HTR1F: variants seen among roughly 807,000 people sequenced by gnomAD.
The protein encoded by HTR1F is 5-hydroxytryptamine receptor 1F.
In HTR1F, 17 loss-of-function variants were observed where a neutral mutation model predicts 24.0. The ratio of observed to expected loss-of-function variants is 0.71; its 90% confidence interval spans 0.48 to 1.06. The LOEUF (loss-of-function observed/expected upper bound fraction) is 1.06, where lower values mean the gene tolerates loss of function less well. HTR1F is among the 50% of genes least tolerant of loss of function. The pLI, the probability that HTR1F is intolerant of heterozygous loss-of-function variation, is 0.00. For missense variants in HTR1F, 391 were observed against 427.8 expected, an observed-to-expected ratio of 0.91 and a Z score of 0.76; for synonymous variants, 186 against 156.8, an observed-to-expected ratio of 1.19 and a Z score of -1.39.
At position 87,919,202 on chromosome 3, in the gene HTR1F, T is replaced by C. The variant is rs1703958405; in HGVS notation, c.-42-71506T>C. 3.3e-5 allele frequency among the ~76,000 whole-genome samples: 5 copies of C among 152,200 alleles called. No homozygotes were observed. In the South Asian group the frequency reaches 1.0e-3, roughly 32 times the overall value. ...GAGAATGCAACTGGATCCTCATCTCTCACCTTATATAAAAATCATTCAAGA... is the reference window on the plus strand; with the variant it reads ...GAGAATGCAACTGGATCCTCATCTCCCACCTTATATAAAAATCATTCAAGA... On this transcript the variant is annotated intron_variant, in intron 2 of 2. Coordinates refer to ENST00000319595, the MANE Select transcript of HTR1F (RefSeq NM_001322209.2).
intron 2 of HTR1F, among the ~76,000 whole-genome samples, chr3:87,948,144 C>T (rs987070109): frequency 1.3e-5 from 2 of 152,060 alleles, no homozygotes; most frequent in African/African-American, 4.8e-5. Context: ...AAGTATTTAG[C>T]CTTCAATTTT....
At chr3:87,895,076 GTATC>G (rs1706169864) in intron 2 of HTR1F, among the ~76,000 whole-genome samples, 1 of 152,116 alleles carries the variant, frequency 6.6e-6, no homozygotes. Flanking sequence ...AACTGAAAGA[GTATC>G]TACTCAGACA....
At chr3:87,865,006 T>G (rs1228672472) in intron 2 of HTR1F, among the ~76,000 whole-genome samples, 1 of 152,212 alleles carries the variant, frequency 6.6e-6, no homozygotes, top group Non-Finnish European at 1.5e-5. Context: ...ATCTGTCTGC[T>G]TTTTGACACT....
chr3:87,813,314 C>T (rs377721595), intron 1 of HTR1F, among the ~76,000 whole-genome samples: 1 of 152,216 alleles, frequency 6.6e-6, no homozygotes, highest in South Asian at 2.1e-4. Context: ...AATGACTGCC[C>T]TACTGGATTT....
chr3:87,920,685 G>A (rs1312089064), intron 2 of HTR1F, among the ~76,000 whole-genome samples: 1 of 151,850 alleles, frequency 6.6e-6, no homozygotes, highest in Middle Eastern at 3.2e-3. Flanking sequence ...TGCACACATG[G>A]ACACAACAAG....
intron 2 of HTR1F, among the ~76,000 whole-genome samples, chr3:87,949,417 G>GGACTCCTTCAGAAAGGCA (rs1411088266): frequency 5.6e-4 from 86 of 152,286 alleles, no homozygotes; most frequent in African/African-American, 2.0e-3. Context: ...CCTTAGAAGA[G>GGACTCCTTCAGAAAGGCA]GACTCCTTCA....
intron 2 of HTR1F, among the ~76,000 whole-genome samples, chr3:87,904,996 G>C (rs1182026593): frequency 6.6e-6 from 1 of 151,960 alleles, no homozygotes; most frequent in Non-Finnish European, 1.5e-5. Context: ...CTTCAATATA[G>C]TTTTGTTCTT....
intron 1 of HTR1F, among the ~76,000 whole-genome samples, chr3:87,798,221 AC>A (rs753679472): frequency 3.9e-5 from 6 of 151,942 alleles, no homozygotes; most frequent in Non-Finnish European, 5.9e-5. Context: ...CAGTCTCAGG[AC>A]AGTTCTTCAC....
intron 2 of HTR1F, among the ~76,000 whole-genome samples, chr3:87,926,194 C>A (rs1179529159): frequency 1.3e-5 from 2 of 152,144 alleles, no homozygotes; most frequent in Admixed American, 6.5e-5. Context: ...ATTAATAAGT[C>A]TTCTACCTTA....
chr3:87,952,591 G>T (rs1057016182), intron 2 of HTR1F, among the ~76,000 whole-genome samples: 8 of 152,082 alleles, frequency 5.3e-5, no homozygotes, highest in Admixed American at 2.0e-4. Flanking sequence ...TAAAGGAAAT[G>T]ATATCTTCAC....
intron 2 of HTR1F, among the ~76,000 whole-genome samples, chr3:87,987,655 T>TAA (rs1559660045): frequency 7.8e-5 from 7 of 90,108 alleles, no homozygotes; most frequent in African/African-American, 1.9e-4. Flanking sequence ...TATATATATA[T>TAA]ATAAAAATAT....
At chr3:87,828,660 C>T (rs950454842) in intron 2 of HTR1F, among the ~76,000 whole-genome samples, 1 of 152,180 alleles carries the variant, frequency 6.6e-6, no homozygotes, top group Non-Finnish European at 1.5e-5. Flanking sequence ...GAATCAACCA[C>T]AAATTTCATA....
intron 2 of HTR1F, among the ~76,000 whole-genome samples, chr3:87,892,146 G>C (rs1706099255): frequency 6.6e-6 from 1 of 151,948 alleles, no homozygotes; most frequent in Non-Finnish European, 1.5e-5. Flanking sequence ...TTATTATTGG[G>C]GATAAAGTGT....
At chr3:87,957,011 A>C (rs1482615772) in intron 2 of HTR1F, among the ~76,000 whole-genome samples, 1 of 151,286 alleles carries the variant, frequency 6.6e-6, no homozygotes, top group African/African-American at 2.4e-5. Context: ...AAATGGTAAA[A>C]GTAAGCATCT....
At chr3:87,851,937 T>C (rs1705095725) in intron 2 of HTR1F, among the ~76,000 whole-genome samples, 1 of 148,658 alleles carries the variant, frequency 6.7e-6, no homozygotes, top group Non-Finnish European at 1.5e-5. Flanking sequence ...TTTACTTTGC[T>C]ATTTTGAAAA....
intron 2 of HTR1F, among the ~76,000 whole-genome samples, chr3:87,866,429 C>T (rs574619780): frequency 6.6e-6 from 1 of 151,878 alleles, no homozygotes. Flanking sequence ...ATCCTTTGAC[C>T]GAAAAACAAC....
At chr3:87,926,499 A>C (rs1045507632) in intron 2 of HTR1F, among the ~76,000 whole-genome samples, 6 of 152,202 alleles carry the variant, frequency 3.9e-5, no homozygotes, top group African/African-American at 1.4e-4. Context: ...GCCTATTTTG[A>C]TGAGATATTG....
At chr3:87,825,446 T>G (rs990475540) in intron 2 of HTR1F, among the ~76,000 whole-genome samples, 1 of 152,214 alleles carries the variant, frequency 6.6e-6, no homozygotes, top group African/African-American at 2.4e-5. Flanking sequence ...ATGTCATATT[T>G]ACCTGGTGCT....
chr3:87,978,938 GA>G (rs1705463044), intron 2 of HTR1F, among the ~76,000 whole-genome samples: 1 of 45,720 alleles, frequency 2.2e-5, no homozygotes, highest in Non-Finnish European at 5.1e-5. Flanking sequence ...GGAAGGAAAA[GA>G]GAGAGATGGG....
Sources: allele counts gnomAD v4.1 joint callset (sites outside exome capture counted in the v4.1 genomes callset), GRCh38; gene constraint gnomAD v4.1.1; transcripts MANE v1.5; gene names NCBI Gene and HGNC (gene_info 2026-07-23, HGNC 2026-07-21).